Variants in ARIH2 observed in about 807,000 individuals in gnomAD.
ARIH2 encodes E3 ubiquitin-protein ligase ARIH2.
Under a neutral mutation model 79.8 loss-of-function variants are expected in ARIH2, and 12 were observed. The ratio of observed to expected loss-of-function variants is 0.15; its 90% CI spans 0.10 to 0.24. ARIH2 has a LOEUF of 0.24. ARIH2 is among the 10% of genes least tolerant of loss of function. ARIH2 has a pLI of 1.00. For synonymous variants in ARIH2, 224 were observed against 213.9 expected (o/e 1.05, Z -0.41); for missense variants, 301 against 618.3 (o/e 0.49, Z 5.44).
In ARIH2 at chr3:48,934,214, G is replaced by C. The variant is rs571420817; in HGVS notation, c.255+6401G>C. ...CTTTTTTGCCTTTTTCACTTGTAACGTGATCAATTGGTGTTCATAACAACA... is the reference window on the plus strand; with the variant it reads ...CTTTTTTGCCTTTTTCACTTGTAACCTGATCAATTGGTGTTCATAACAACA... On this transcript the variant is annotated intron_variant, in intron 3 of 15. Transcript: ENST00000356401. 6 of 354,322 alleles carry C rather than the reference G, an allele frequency of 1.7e-5. No individual in the cohort carries two copies. In the South Asian group the frequency reaches 5.8e-4, roughly 34 times the overall value. 21.9% of individuals were successfully genotyped at this position (354,322 alleles called of 1,614,324 possible).
chr3:48,921,017 C>T (rs2084736893), intron 1 of ARIH2, among the ~76,000 whole-genome samples: 1 of 73,496 alleles, frequency 1.4e-5, no homozygotes, highest in East Asian at 3.1e-3. Context: ...AGTGCAGTGG[C>T]GCGATCTCGG....
At chr3:48,945,137 C>G in intron 3 of ARIH2, 1 of 1,289,752 alleles carries the variant, frequency 7.8e-7, no homozygotes, top group Non-Finnish European at 1.0e-6. Flanking sequence ...TTTTTTCAGG[C>G]CGTTGATGCT....
At chr3:48,955,057 G>A (rs573633601) in intron 3 of ARIH2, among the ~76,000 whole-genome samples, 1 of 152,278 alleles carries the variant, frequency 6.6e-6, no homozygotes, top group African/African-American at 2.4e-5. Flanking sequence ...AAATAGCTGG[G>A]CGTGGTGTTG....
At chr3:48,932,504 T>C (rs901135718) in intron 3 of ARIH2, among the ~76,000 whole-genome samples, 2 of 152,212 alleles carry the variant, frequency 1.3e-5, no homozygotes, top group African/African-American at 4.8e-5. Context: ...AGCATTTTTA[T>C]TACAAAATGT....
intron 3 of ARIH2, chr3:48,934,495 T>C (rs767156335): frequency 1.8e-5 from 18 of 985,274 alleles, no homozygotes; most frequent in Non-Finnish European, 2.2e-5. Context: ...CTGGTTACAC[T>C]GAGTGTTTGT....
intron 1 of ARIH2, 160 bp downstream of exon 1, chr3:48,919,158 G>T: frequency 2.3e-6 from 3 of 1,300,910 alleles, no homozygotes; most frequent in Non-Finnish European, 2.9e-6. Context: ...ATTACCCGCC[G>T]TCAGCGGCCG....
At chr3:48,982,361 A>G (rs2092780724) in intron 14 of ARIH2, among the ~76,000 whole-genome samples, 1 of 152,220 alleles carries the variant, frequency 6.6e-6, no homozygotes, top group African/African-American at 2.4e-5. Context: ...GGTTGCATAA[A>G]TGTGTCATTA....
chr3:48,937,390 T>C (rs1349709010), intron 3 of ARIH2, among the ~76,000 whole-genome samples: 2 of 152,150 alleles, frequency 1.3e-5, no homozygotes, highest in African/African-American at 4.8e-5. Flanking sequence ...GGATTGACCC[T>C]CTACCCCTTG....
intron 9 of ARIH2, 92 bp from the exon 10 acceptor site, chr3:48,974,725 C>A: frequency 7.4e-7 from 1 of 1,353,886 alleles, no homozygotes; most frequent in Non-Finnish European, 1.1e-6. Flanking sequence ...ACACCATGAG[C>A]AACTGGGCAC....
intron 14 of ARIH2, among the ~76,000 whole-genome samples, chr3:48,982,290 AT>A (rs2092778349): frequency 6.6e-6 from 1 of 152,228 alleles, no homozygotes; most frequent in Non-Finnish European, 1.5e-5. Context: ...TTTTATTGTT[AT>A]AACAGTTTAT....
At chr3:48,961,775 A>C (rs932467275) in intron 4 of ARIH2, 96 bp downstream of exon 4, 3 of 783,438 alleles carry the variant, frequency 3.8e-6, no homozygotes, top group Non-Finnish European at 6.7e-6. Context: ...ACTATATTCC[A>C]ATGTGCATAG....
At chr3:48,962,566 C>T (rs972163997) in intron 4 of ARIH2, among the ~76,000 whole-genome samples, 2 of 152,134 alleles carry the variant, frequency 1.3e-5, no homozygotes, top group Admixed American at 6.5e-5. Context: ...TAGAGATCTC[C>T]TATGCTCACC....
At chr3:48,927,440 T>TA in intron 2 of ARIH2, 22 bp from the exon 3 acceptor site, 4 of 1,255,444 alleles carry the variant, frequency 3.2e-6, no homozygotes, top group Non-Finnish European at 4.4e-6. Flanking sequence ...AAGTAACACT[T>TA]ATTTTTTTTT....
chr3:48,940,384 A>G (rs935036248), intron 3 of ARIH2, among the ~76,000 whole-genome samples: 4 of 151,834 alleles, frequency 2.6e-5, no homozygotes, highest in Admixed American at 1.3e-4. Flanking sequence ...TTAGATAGAT[A>G]AAAAGAGAGA....
chr3:48,923,596 A>G (rs1457206312), intron 2 of ARIH2, among the ~76,000 whole-genome samples: 1 of 148,444 alleles, frequency 6.7e-6, no homozygotes. Flanking sequence ...ATCTTGTCTC[A>G]CTGCAGTCTT....
Position 48,985,217 on chromosome 3 carries a change from G to C in ARIH2, c.*1947G>C, listed in dbSNP as rs1351145587. 6.6e-6 allele frequency: 1 copy of C among 152,324 alleles called. No homozygotes were observed. The allele number at this position is 152,324 out of a possible 1,614,324, so 9.4% of individuals were successfully genotyped here. A position where few individuals can be genotyped will look rare whatever the true frequency, so the allele number is the denominator to read the frequency against. ...ATTGTCTGGGCTGCAGGGCTGCCAG[G>C]TTCTGTACTTGTGTCCAGCTGTGGC... is the stretch of plus-strand genomic sequence containing the variant. On this transcript the variant is annotated 3_prime_UTR_variant, in exon 16 of 16. Coordinates refer to ENST00000356401, the MANE Select transcript of ARIH2 (RefSeq NM_006321.4).
intron 3 of ARIH2, among the ~76,000 whole-genome samples, chr3:48,960,757 CAA>C (rs748889651): frequency 2.0e-4 from 16 of 81,230 alleles, no homozygotes; most frequent in Non-Finnish European, 2.1e-4. Context: ...AAGACTGTCT[CAA>C]AAAAAAAAAA....
chr3:48,953,905 T>C (rs1170723120), intron 3 of ARIH2, among the ~76,000 whole-genome samples: 6 of 151,056 alleles, frequency 4.0e-5, no homozygotes, highest in African/African-American at 1.5e-4. Context: ...GGCTCACACC[T>C]GTAATCCCAG....
At chr3:48,942,079 C>CT (rs2088372765) in intron 3 of ARIH2, among the ~76,000 whole-genome samples, 1 of 146,496 alleles carries the variant, frequency 6.8e-6, no homozygotes, top group African/African-American at 2.5e-5. Context: ...GAGGCGGAGT[C>CT]TTACTCTGTC....
Sources: gnomAD v4.1 joint callset for allele counts (sites outside exome capture counted in the v4.1 genomes callset) on GRCh38, gnomAD v4.1.1 for gene constraint, MANE v1.5 for transcripts, NCBI Gene and HGNC (gene_info 2026-07-23, HGNC 2026-07-21) for gene names.